Variants in MRPS31 observed in about 807,000 individuals in gnomAD.
MRPS31 encodes mitochondrial ribosomal protein S31, also known as small ribosomal subunit protein mS31.
Under a neutral mutation model 43.1 loss-of-function variants are expected in MRPS31, and 32 were observed. The ratio of observed to expected loss-of-function variants is 0.74; its 90% confidence interval spans 0.56 to 1.00. MRPS31 has a LOEUF of 1.00. Ranked by LOEUF, MRPS31 falls within the 50% of genes least tolerant of loss-of-function variation. MRPS31 has a pLI of 0.00. For synonymous variants in MRPS31, 165 were observed against 161.6 expected (o/e 1.02, Z -0.16); for missense variants, 437 against 466.7 (o/e 0.94, Z 0.59).
chr13:40,758,764 T>A (rs878925121), intron 3 of MRPS31, among the ~76,000 whole-genome samples, 184 bp downstream of exon 3: 5 of 152,274 alleles, frequency 3.3e-5, no homozygotes, highest in South Asian at 2.1e-4. Flanking sequence ...ATTGTTTTTT[T>A]AAAAACTATA....
chr13:40,745,781 A>T (rs1880226098), intron 6 of MRPS31, among the ~76,000 whole-genome samples: 1 of 152,042 alleles, frequency 6.6e-6, no homozygotes, highest in Non-Finnish European at 1.5e-5. Context: ...CCCCCATAAA[A>T]ACCAACCTTA....
chr13:40,754,399 C>T (rs191193687), intron 4 of MRPS31, among the ~76,000 whole-genome samples: 49 of 152,278 alleles, frequency 3.2e-4, no homozygotes, highest in Admixed American at 2.7e-3. Context: ...GTTTTAAAAA[C>T]TCCATGTTGT....
intron 6 of MRPS31, among the ~76,000 whole-genome samples, chr13:40,744,887 T>G (rs1593445616): frequency 6.6e-6 from 1 of 152,078 alleles, no homozygotes; most frequent in East Asian, 1.9e-4. Context: ...GTGCTGGGAT[T>G]ACAGGCATGA....
At position 40,740,538 on chromosome 13, in the gene MRPS31, A is replaced by T. The variant is rs200058291; in HGVS notation, c.958+8600T>A. Among the ~76,000 whole-genome samples the T allele has an allele frequency of 1.8e-3, 255 of 138,836 alleles. 1 individual carries two copies. The East Asian group carries it at 0.05, about 27-fold the overall frequency. The allele number at this position is 138,836 out of a possible 152,430, so 91.1% of individuals were successfully genotyped here. ...ATAGCAAAGGCTTGGAACCAACCCA[A>T]ATGTCCAACAATGATAGACTGGATT... On this transcript the variant is annotated intron_variant, in intron 6 of 6. Transcript: ENST00000323563.
At chr13:40,758,755 T>C (rs1299399813) in intron 3 of MRPS31, among the ~76,000 whole-genome samples, 193 bp downstream of exon 3, 8 of 152,238 alleles carry the variant, frequency 5.3e-5, no homozygotes, top group Non-Finnish European at 1.5e-5. Context: ...CTTTATTCAA[T>C]TGTTTTTTTA....
intron 6 of MRPS31, among the ~76,000 whole-genome samples, chr13:40,740,945 A>T (rs9549277): frequency 8.7e-5 from 11 of 126,996 alleles, no homozygotes; most frequent in East Asian, 3.2e-4. Context: ...ATAAAAAAAA[A>T]TTAAAAAAAA....
At chr13:40,763,560 T>C (rs550798878) in intron 2 of MRPS31, among the ~76,000 whole-genome samples, 4 of 152,208 alleles carry the variant, frequency 2.6e-5, no homozygotes, top group African/African-American at 9.6e-5. Flanking sequence ...ATGTTGCCTA[T>C]AGTATAGCTG....
In MRPS31 at chr13:40,770,996, C is replaced by T; in HGVS notation, c.141G>A (p.Ala47=). The change falls in exon 1 of 7, where the codon GCG becomes GCA. Residue 47 remains alanine, a synonymous_variant. Transcript: ENST00000323563. ...GCCTGAGGACCTACCGGGCCAACAG[C>T]GCTGAACTGCGGTACCTGACTGTTC... The part of the protein sequence containing the change: ...RHGTVRYRSS[A]LLARTKNNIQ... The T allele has an allele frequency of 6.2e-7, 1 of 1,614,134 alleles. No individual in the cohort carries two copies. The highest frequency in any genetic ancestry group is 8.5e-7 in the Non-Finnish European group (1 of 1,180,024).
chr13:40,751,208 C>A (rs1480540336), intron 5 of MRPS31, among the ~76,000 whole-genome samples: 1 of 152,192 alleles, frequency 6.6e-6, no homozygotes, highest in African/African-American at 2.4e-5. Context: ...AGAGCAATCA[C>A]ATCAAAAATA....
chr13:40,767,333 T>C (rs1406190227), intron 1 of MRPS31, among the ~76,000 whole-genome samples: 6 of 152,238 alleles, frequency 3.9e-5, no homozygotes, highest in Admixed American at 2.6e-4. Flanking sequence ...AATTTTGTAT[T>C]TTTAGCAAAG....
intron 6 of MRPS31, among the ~76,000 whole-genome samples, chr13:40,730,739 T>G (rs1468025293): frequency 2.6e-5 from 4 of 151,656 alleles, no homozygotes; most frequent in Admixed American, 2.6e-4. Context: ...TTTTGTATTT[T>G]TAGTAGAGAT....
chr13:40,759,783 AT>A (rs1880641260), intron 2 of MRPS31, among the ~76,000 whole-genome samples: 2 of 152,194 alleles, frequency 1.3e-5, no homozygotes, highest in African/African-American at 2.4e-5. Context: ...AACAATATAT[AT>A]TGTAAGCAAA....
At chr13:40,729,702 A>G in intron 6 of MRPS31, 101 bp from the exon 7 acceptor site, 1 of 810,330 alleles carries the variant, frequency 1.2e-6, no homozygotes, top group Non-Finnish European at 1.9e-6. Flanking sequence ...AGTTTAAGGC[A>G]TGAACTTTGG....
intron 6 of MRPS31, among the ~76,000 whole-genome samples, chr13:40,741,074 G>A (rs890189249): frequency 6.6e-6 from 1 of 151,502 alleles, no homozygotes; most frequent in South Asian, 2.1e-4. Flanking sequence ...ACATTGGAAG[G>A]ATGAGGAGAA....
At chr13:40,749,431 G>A (rs2138005318) in intron 5 of MRPS31, 150 bp from the exon 6 acceptor site, 2 of 474,954 alleles carry the variant, frequency 4.2e-6, no homozygotes, top group Non-Finnish European at 6.7e-6. Context: ...AGAGATAACT[G>A]CAAAAATTAT....
intron 6 of MRPS31, among the ~76,000 whole-genome samples, chr13:40,739,410 A>C (rs1880016328): frequency 6.6e-6 from 1 of 152,194 alleles, no homozygotes; most frequent in Non-Finnish European, 1.5e-5. Context: ...GCTACCAATG[A>C]CTTTCTTCAC....
rs1310271801 is a variant in MRPS31, at chr13:40,771,007, G to C, written c.130C>G (p.Arg44Gly). ...TACCGGGCCAACAGCGCTGAACTGCGGTACCTGACTGTTCCGTGCCGAACA... is the reference window on the plus strand; with the variant it reads ...TACCGGGCCAACAGCGCTGAACTGCCGTACCTGACTGTTCCGTGCCGAACA... ...LTVRHGTVRY[R>G]SSALLARTKN... Residue 44 changes from arginine to glycine, a missense_variant, in exon 1 of 7, where the codon CGC becomes GGC. Arg to Gly is a moderately radical substitution (Grantham distance 125). Transcript: ENST00000323563. 5 of 1,614,026 alleles carry C rather than the reference G, an allele frequency of 3.1e-6. No individual in the cohort carries two copies. Among genetic ancestry groups the C allele is most frequent in the East Asian group, 2.2e-5 (1 of 44,900 alleles).
chr13:40,753,028 CA>C (rs1409923011), intron 5 of MRPS31, among the ~76,000 whole-genome samples: 1 of 151,164 alleles, frequency 6.6e-6, no homozygotes, highest in Non-Finnish European at 1.5e-5. Context: ...TACCAATATC[CA>C]AAAAACTAAC....
intron 6 of MRPS31, among the ~76,000 whole-genome samples, chr13:40,729,863 G>C (rs992056618): frequency 1.3e-5 from 2 of 151,656 alleles, no homozygotes; most frequent in African/African-American, 2.4e-5. Flanking sequence ...CCGAGTAGCT[G>C]GGACTACAGG....
Sources: allele counts gnomAD v4.1 joint callset (sites outside exome capture counted in the v4.1 genomes callset), GRCh38; gene constraint gnomAD v4.1.1; transcripts MANE v1.5; gene names NCBI Gene and HGNC (gene_info 2026-07-23, HGNC 2026-07-21).